ACBD6: variants seen among roughly 807,000 people sequenced by gnomAD.
ACBD6 encodes the protein acyl-CoA-binding domain-containing protein 6.
In ACBD6, 28 loss-of-function variants were observed where a neutral mutation model predicts 37.2. That is an observed-to-expected ratio of 0.75 (90% CI 0.56 to 1.03). The LOEUF (loss-of-function observed/expected upper bound fraction) is 1.03. Among genes scored for constraint, ACBD6 ranks in the 50% least tolerant of loss-of-function variants. The pLI, the probability that ACBD6 is intolerant of heterozygous loss-of-function variation, is 0.00. For missense variants in ACBD6, 340 were observed against 337.4 expected, an observed-to-expected ratio of 1.01 and a Z score of -0.06; for synonymous variants, 113 against 126.8, an observed-to-expected ratio of 0.89 and a Z score of 0.73.
chr1:180,365,002 G>A (rs953592477), intron 6 of ACBD6, among the ~76,000 whole-genome samples: 3 of 152,118 alleles, frequency 2.0e-5, no homozygotes, highest in African/African-American at 7.2e-5. Context: ...CAAAGTGCTG[G>A]GATTACGGGC....
At chr1:180,447,665 AT>A (rs1649525836) in intron 3 of ACBD6, among the ~76,000 whole-genome samples, 1 of 152,108 alleles carries the variant, frequency 6.6e-6, no homozygotes, top group Non-Finnish European at 1.5e-5. Context: ...CAAAATTTAG[AT>A]TTTCTTTAGA....
At chr1:180,333,080 T>C (rs1264386423) in intron 6 of ACBD6, among the ~76,000 whole-genome samples, 1 of 152,198 alleles carries the variant, frequency 6.6e-6, no homozygotes, top group East Asian at 1.9e-4. Flanking sequence ...TTTAAATCTA[T>C]CAATATTTAC....
intron 7 of ACBD6, among the ~76,000 whole-genome samples, chr1:180,290,406 G>A (rs147867379): frequency 2.0e-4 from 30 of 152,244 alleles, no homozygotes; most frequent in African/African-American, 7.0e-4. Flanking sequence ...CAAACTACTA[G>A]GCTCAGGCAA....
chr1:180,288,121 G>C, downstream of ACBD6: 1 of 480,948 alleles, frequency 2.1e-6, no homozygotes, highest in South Asian at 2.3e-5. Flanking sequence ...ATAAATTTCA[G>C]AGCATGCTCA....
chr1:180,484,642 C>T (rs1317460189), intron 3 of ACBD6, among the ~76,000 whole-genome samples: 1 of 151,972 alleles, frequency 6.6e-6, no homozygotes, highest in Admixed American at 6.6e-5. Flanking sequence ...AGGATATACA[C>T]GTGTCAGAGT....
intron 2 of ACBD6, among the ~76,000 whole-genome samples, chr1:180,493,280 A>AAAAAAAAC (rs1651595405): frequency 8.1e-6 from 1 of 123,974 alleles, no homozygotes; most frequent in East Asian, 2.4e-4. Context: ...AAAAAAAAAC[A>AAAAAAAAC]ACAACAGCAA....
intron 3 of ACBD6, among the ~76,000 whole-genome samples, chr1:180,452,707 C>T (rs1247303682): frequency 6.7e-6 from 1 of 148,624 alleles, no homozygotes; most frequent in African/African-American, 2.5e-5. Context: ...ATTCAATAGA[C>T]ACAACAAAAA....
chr1:180,406,184 A>T (rs943174916), intron 5 of ACBD6, among the ~76,000 whole-genome samples: 6 of 152,198 alleles, frequency 3.9e-5, no homozygotes, highest in African/African-American at 1.4e-4. Flanking sequence ...ATGCCTTACT[A>T]TATTAGCATA....
chr1:180,371,097 G>A (rs1653245560), intron 6 of ACBD6, among the ~76,000 whole-genome samples: 1 of 151,956 alleles, frequency 6.6e-6, no homozygotes, highest in Admixed American at 6.6e-5. Flanking sequence ...TTTGGTATTG[G>A]AAAACTTGGA....
At chr1:180,396,042 CA>C (rs1654246740) in intron 6 of ACBD6, among the ~76,000 whole-genome samples, 1 of 151,982 alleles carries the variant, frequency 6.6e-6, no homozygotes, top group Non-Finnish European at 1.5e-5. Flanking sequence ...ATAAGCCAGT[CA>C]AAAAGGGACA....
chr1:180,320,049 G>A (rs532172431), intron 6 of ACBD6, among the ~76,000 whole-genome samples: 55 of 152,230 alleles, frequency 3.6e-4, no homozygotes, highest in Non-Finnish European at 6.9e-4. Flanking sequence ...TCCTATGATA[G>A]CTCTATTTTT....
At chr1:180,282,787 C>G (rs185745308) in intron 8 of ACBD6, among the ~76,000 whole-genome samples, 1 of 152,208 alleles carries the variant, frequency 6.6e-6, no homozygotes, top group East Asian at 1.9e-4. Flanking sequence ...ATCATTGTAA[C>G]ATTTAATGCT....
intron 3 of ACBD6, among the ~76,000 whole-genome samples, chr1:180,463,580 A>C (rs181764498): frequency 6.6e-6 from 1 of 152,312 alleles, no homozygotes; most frequent in East Asian, 1.9e-4. Context: ...ACCAATCAAA[A>C]AAAAACCCAG....
At chr1:180,377,522 A>G (rs2101923005) in intron 6 of ACBD6, among the ~76,000 whole-genome samples, 1 of 152,290 alleles carries the variant, frequency 6.6e-6, no homozygotes, top group South Asian at 2.1e-4. Context: ...GAATCGGGGG[A>G]AATAGCCAGT....
intron 6 of ACBD6, among the ~76,000 whole-genome samples, chr1:180,357,709 A>C (rs944944293): frequency 6.6e-6 from 1 of 152,224 alleles, no homozygotes; most frequent in Non-Finnish European, 1.5e-5. Flanking sequence ...AGAAGCTGGA[A>C]GACCTTCAGG....
intron 6 of ACBD6, among the ~76,000 whole-genome samples, chr1:180,391,756 G>A (rs192385084): frequency 6.6e-6 from 1 of 151,942 alleles, no homozygotes; most frequent in East Asian, 1.9e-4. Context: ...TTCCTCAAAA[G>A]GTTAAACATA....
chr1:180,495,406 C>G (rs1326665986), intron 2 of ACBD6, 55 bp downstream of exon 2: 5 of 1,321,296 alleles, frequency 3.8e-6, no homozygotes, highest in African/African-American at 1.5e-5. Flanking sequence ...TTTCTAATTC[C>G]TAAACACCTA....
At chr1:180,339,648 T>G (rs1416745666) in intron 6 of ACBD6, among the ~76,000 whole-genome samples, 1 of 152,180 alleles carries the variant, frequency 6.6e-6, no homozygotes, top group Non-Finnish European at 1.5e-5. Flanking sequence ...AACCTGCACG[T>G]TGTGCACATG....
In ACBD6 at chr1:180,502,506, G is replaced by T. The variant is rs1652029070; in HGVS notation, c.-240C>A. On this transcript the variant is annotated 5_prime_UTR_variant, in exon 1 of 8. Coordinates refer to ENST00000367595, the MANE Select transcript of ACBD6 (RefSeq NM_032360.4). The stretch of plus-strand genomic sequence containing the variant: ...TGCCCAGTCGACCCGGTCTCCTCCG[G>T]CTTCCCTCCGGCCAACAGCGCGCTC... 1 of 557,000 alleles carries T rather than the reference G, an allele frequency of 1.8e-6. No individual in the cohort carries two copies. Among genetic ancestry groups the T allele is most frequent in the East Asian group, 3.1e-5 (1 of 31,766 alleles). 34.5% of individuals were successfully genotyped at this position (557,000 alleles called of 1,614,324 possible). A position where few individuals can be genotyped will look rare whatever the true frequency, so the allele number is the denominator to read the frequency against.
Sources: allele counts gnomAD v4.1 joint callset (sites outside exome capture counted in the v4.1 genomes callset), GRCh38; gene constraint gnomAD v4.1.1; transcripts MANE v1.5; gene names NCBI Gene and HGNC (gene_info 2026-07-23, HGNC 2026-07-21).